TBC1D22A: variants seen among roughly 807,000 people sequenced by gnomAD.
The protein encoded by TBC1D22A is putative GTPase activator.
A neutral mutation model predicts 60.2 loss-of-function variants in TBC1D22A; 38 were observed. The ratio of observed to expected loss-of-function variants is 0.63; its 90% CI spans 0.49 to 0.83. TBC1D22A has a LOEUF of 0.83. Among genes scored for constraint, TBC1D22A ranks in the 40% least tolerant of loss-of-function variants. The pLI is 0.00. For missense variants in TBC1D22A, 628 were observed against 701.0 expected, an observed-to-expected ratio of 0.90 and a Z score of 1.18; for synonymous variants, 302 against 281.7, an observed-to-expected ratio of 1.07 and a Z score of -0.72.
intron 11 of TBC1D22A, among the ~76,000 whole-genome samples, chr22:47,096,832 A>AAT (rs1569442616): frequency 6.6e-6 from 1 of 152,208 alleles, no homozygotes; most frequent in African/African-American, 2.4e-5. Context: ...AAAAAAAATA[A>AAT]AAATAAATAA....
intron 4 of TBC1D22A, among the ~76,000 whole-genome samples, chr22:46,869,218 A>T (rs551838523): frequency 6.6e-6 from 1 of 152,356 alleles, no homozygotes; most frequent in East Asian, 1.9e-4. Flanking sequence ...GCTTAGTTTC[A>T]AGATGGCTCT....
intron 10 of TBC1D22A, among the ~76,000 whole-genome samples, chr22:47,031,510 G>A (rs1237777801): frequency 1.3e-5 from 2 of 152,238 alleles, no homozygotes; most frequent in Non-Finnish European, 2.9e-5. Context: ...AGTTCCTTGT[G>A]ACCGGGTGCT....
intron 10 of TBC1D22A, among the ~76,000 whole-genome samples, chr22:46,998,823 C>G (rs570657597): frequency 1.1e-4 from 16 of 152,366 alleles, no homozygotes; most frequent in African/African-American, 3.4e-4. Flanking sequence ...AGCTGCTTTT[C>G]AACCCATCAT....
At chr22:47,081,889 C>T (rs756811426) in intron 11 of TBC1D22A, among the ~76,000 whole-genome samples, 1 of 152,258 alleles carries the variant, frequency 6.6e-6, no homozygotes, top group East Asian at 1.9e-4. Context: ...CAGGCATGGT[C>T]GCTCATGCTT....
chr22:46,844,732 C>T (rs892605836), intron 4 of TBC1D22A, among the ~76,000 whole-genome samples: 4 of 152,224 alleles, frequency 2.6e-5, no homozygotes, highest in African/African-American at 9.6e-5. Flanking sequence ...TGAAGCCCTC[C>T]TGCTCACTTG....
intron 4 of TBC1D22A, among the ~76,000 whole-genome samples, chr22:46,823,258 C>A (rs2085905353): frequency 6.6e-6 from 1 of 152,162 alleles, no homozygotes; most frequent in Non-Finnish European, 1.5e-5. Flanking sequence ...CACAGCCTTA[C>A]AAATCTGATT....
intron 4 of TBC1D22A, among the ~76,000 whole-genome samples, chr22:46,869,949 A>G (rs1349668444): frequency 6.6e-6 from 1 of 152,198 alleles, no homozygotes; most frequent in Admixed American, 6.5e-5. Flanking sequence ...CAAATGTGAT[A>G]TTTTACATCC....
chr22:47,163,178 C>T (rs551014443), intron 12 of TBC1D22A, among the ~76,000 whole-genome samples: 8 of 152,336 alleles, frequency 5.3e-5, no homozygotes, highest in African/African-American at 1.9e-4. Context: ...CTGGCTGCCC[C>T]ACCCAGACAG....
At chr22:47,128,957 CG>C (rs2066590411) in intron 12 of TBC1D22A, among the ~76,000 whole-genome samples, 1 of 152,200 alleles carries the variant, frequency 6.6e-6, no homozygotes, top group African/African-American at 2.4e-5. Context: ...ACAGTGTGTG[CG>C]TGTGGGCCTT....
At chr22:47,047,318 A>C (rs117170646) in intron 11 of TBC1D22A, among the ~76,000 whole-genome samples, 2,053 of 152,340 alleles carry the variant, frequency 0.013, 20 homozygotes, top group Middle Eastern at 0.034. Flanking sequence ...TTAAATACGA[A>C]TCATACATTT....
intron 12 of TBC1D22A, among the ~76,000 whole-genome samples, chr22:47,121,308 A>G (rs1484577539): frequency 6.6e-6 from 1 of 152,244 alleles, no homozygotes; most frequent in Non-Finnish European, 1.5e-5. Flanking sequence ...GCGTTTCTGC[A>G]GAGCTATTAA....
chr22:46,940,583 C>T (rs2071937866), intron 8 of TBC1D22A, among the ~76,000 whole-genome samples: 1 of 148,958 alleles, frequency 6.7e-6, no homozygotes. Context: ...CACATGCACA[C>T]ACACAGTCCA....
intron 8 of TBC1D22A, among the ~76,000 whole-genome samples, chr22:46,941,833 TA>T (rs1159459934): frequency 1.4e-4 from 9 of 66,654 alleles, no homozygotes; most frequent in Non-Finnish European, 2.4e-4. Context: ...ATATATAGAA[TA>T]ATAGAATATA....
chr22:46,797,439 T>C lies in TBC1D22A; in HGVS notation c.461-5T>C. 2 of 1,612,454 alleles carry C rather than the reference T, an allele frequency of 1.2e-6. No individual in the cohort carries two copies. The highest frequency in any genetic ancestry group is 1.7e-6 in the Non-Finnish European group (2 of 1,179,986). On this transcript the variant is annotated splice_region_variant and splice_polypyrimidine_tract_variant and intron_variant, in intron 3 of 12. Coordinates refer to ENST00000337137, the MANE Select transcript of TBC1D22A (RefSeq NM_014346.5). ...ACCCTCACCCCCATTCTCTCACCCCTGCAGAAAGTGCCAGCGATGCCGCCC... is the reference window on the plus strand; with the variant it reads ...ACCCTCACCCCCATTCTCTCACCCCCGCAGAAAGTGCCAGCGATGCCGCCC...
chr22:46,989,787 A>AC (rs58174049), intron 9 of TBC1D22A, among the ~76,000 whole-genome samples: 4 of 151,222 alleles, frequency 2.6e-5, no homozygotes, highest in African/African-American at 4.9e-5. Context: ...ACACACACAC[A>AC]ATAAATAAAT....
intron 11 of TBC1D22A, among the ~76,000 whole-genome samples, chr22:47,050,304 CGA>C (rs1435086275): frequency 6.7e-6 from 1 of 148,888 alleles, no homozygotes; most frequent in Admixed American, 6.7e-5. Flanking sequence ...CGCGCCTGGC[CGA>C]GAGGGGGCAT....
In TBC1D22A at chr22:46,792,424, G is replaced by A. The variant is rs902277266; in HGVS notation, c.63-96G>A. 8.4e-6 allele frequency: 13 copies of A among 1,549,250 alleles called. No individual in the cohort carries two copies. The South Asian group carries it at 1.5e-4, about 17-fold the overall frequency. ...ATGAGGAGCTGCTTCCTTCAGTCCT[G>A]TGGGTTCCTGGGAGCCCACCTTTCG... On this transcript the variant is annotated intron_variant, in intron 1 of 12. Transcript: ENST00000337137.
At chr22:47,117,708 C>G (rs115938640) in intron 12 of TBC1D22A, among the ~76,000 whole-genome samples, 1,853 of 152,354 alleles carry the variant, frequency 0.012, 38 homozygotes, top group African/African-American at 0.042. Context: ...CTTGTAGAGG[C>G]TGTGATCTGT....
rs1569355948 is a variant in TBC1D22A at position 47,028,740 on chromosome 22, G to GT, written c.1202-8329dup. On this transcript the variant is annotated intron_variant, in intron 10 of 12. Coordinates refer to ENST00000337137, the MANE Select transcript of TBC1D22A (RefSeq NM_014346.5). The surrounding 1 kb of genome is among the most constrained non-coding windows in gnomAD (Gnocchi z 4.4). ...TTGACATTAAATGAACGGTGGAGAA[G>GT]TTATCTTGAGGGAATGTGTTTGCAG... Among the ~76,000 whole-genome samples, 2 of 152,256 alleles carry GT rather than the reference G, an allele frequency of 1.3e-5. No homozygotes were observed. The highest frequency in any genetic ancestry group is 4.8e-5 in the African/African-American group (2 of 41,462).
Sources: allele counts gnomAD v4.1 joint callset (sites outside exome capture counted in the v4.1 genomes callset), GRCh38; gene constraint gnomAD v4.1.1; non-coding constraint Gnocchi (gnomAD v3.1); transcripts MANE v1.5; gene names NCBI Gene and HGNC (gene_info 2026-07-23, HGNC 2026-07-21).